ZFTRAF1: variants seen among roughly 807,000 people sequenced by gnomAD.
ZFTRAF1 encodes zinc finger TRAF-type-containing protein 1.
the ZFTRAF1 span, among the ~76,000 whole-genome samples, chr8:144,461,628 G>A: frequency 6.6e-6 from 1 of 152,206 alleles, no homozygotes; most frequent in Non-Finnish European, 1.5e-5. Flanking sequence ...CCAGTTGGAT[G>A]TGGGGTTTGG....
chr8:144,454,189 G>A, the ZFTRAF1 span: 2 of 152,382 alleles, frequency 1.3e-5, no homozygotes, highest in Non-Finnish European at 2.9e-5. Flanking sequence ...CTCCCTGCCT[G>A]TGTGGGCTCC....
At chr8:144,457,591 T>C in the ZFTRAF1 span, 1 of 152,204 alleles carries the variant, frequency 6.6e-6, no homozygotes, top group Non-Finnish European at 1.5e-5. Context: ...CCCTCCCCCC[T>C]GCTGGCTACA....
chr8:144,462,515 G>A, the ZFTRAF1 span: 6 of 162,080 alleles, frequency 3.7e-5, no homozygotes, highest in Non-Finnish European at 6.4e-5. Flanking sequence ...AGGCCCCGCC[G>A]CCTCGCCCAG....
At chr8:144,452,662 A>G in the ZFTRAF1 span, 1 of 1,233,984 alleles carries the variant, frequency 8.1e-7, no homozygotes, top group South Asian at 1.4e-5. Context: ...CCAGCTAAGA[A>G]CCCCTTCCTG....
At chr8:144,450,866 C>T in the ZFTRAF1 span, 2 of 606,016 alleles carry the variant, frequency 3.3e-6, no homozygotes, top group Admixed American at 2.9e-5. Context: ...CAGGCTCAGC[C>T]GGGGAGGAAG....
the ZFTRAF1 span, chr8:144,450,727 G>A: frequency 1.4e-6 from 1 of 712,576 alleles, no homozygotes; most frequent in Non-Finnish European, 2.6e-6. Context: ...CATAGTACAG[G>A]CGCGTGATGA....
the ZFTRAF1 span, chr8:144,451,902 A>C: frequency 4.1e-6 from 1 of 243,800 alleles, no homozygotes; most frequent in Non-Finnish European, 8.3e-6. Context: ...CAGCCTTGAG[A>C]GGCCCATGGC....
chr8:144,458,452 T>C, the ZFTRAF1 span, among the ~76,000 whole-genome samples: 1 of 152,258 alleles, frequency 6.6e-6, no homozygotes, highest in Non-Finnish European at 1.5e-5. Context: ...ACGAGTCAGC[T>C]GCAGTCCTGT....
the ZFTRAF1 span, chr8:144,462,216 C>T: frequency 2.1e-6 from 1 of 467,318 alleles, no homozygotes; most frequent in Non-Finnish European, 3.8e-6. Flanking sequence ...AGACGCGGAT[C>T]CTGGGGCCCC....
At chr8:144,457,026 ACATCATGGGGGGATGG>A in the ZFTRAF1 span, 1,671 of 142,222 alleles carry the variant, frequency 0.012, 15 homozygotes, top group Middle Eastern at 0.026. Context: ...TGGGGGACTG[ACATCATGGGGGGATGG>A]CATCATGGGG....
chr8:144,452,472 G>A, the ZFTRAF1 span: 5 of 1,548,320 alleles, frequency 3.2e-6, no homozygotes, highest in Non-Finnish European at 3.5e-6. Flanking sequence ...CTCACTGCCT[G>A]TCTTGGTCGG....
At chr8:144,461,528 G>A in the ZFTRAF1 span, among the ~76,000 whole-genome samples, 2 of 152,342 alleles carry the variant, frequency 1.3e-5, no homozygotes, top group African/African-American at 2.4e-5. Context: ...GGGGAGGAGG[G>A]GTGGGCCGGC....
At chr8:144,452,250 T>C in the ZFTRAF1 span, 15 of 1,245,214 alleles carry the variant, frequency 1.2e-5, no homozygotes, top group Non-Finnish European at 1.1e-5. Flanking sequence ...AGCCCGGCTG[T>C]CCGGCGCTGT....
the ZFTRAF1 span, among the ~76,000 whole-genome samples, chr8:144,461,552 G>A: frequency 7.6e-4 from 116 of 152,304 alleles, no homozygotes; most frequent in African/African-American, 2.2e-3. Context: ...TGGAGCACTG[G>A]CTGCCTAGGA....
At chr8:144,460,949 G>A in the ZFTRAF1 span, among the ~76,000 whole-genome samples, 1 of 152,228 alleles carries the variant, frequency 6.6e-6, no homozygotes, top group Non-Finnish European at 1.5e-5. Context: ...AGGAGCTGGA[G>A]AGTGGGCACA....
At chr8:144,450,759 G>A in the ZFTRAF1 span, 1 of 700,344 alleles carries the variant, frequency 1.4e-6, no homozygotes, top group Non-Finnish European at 2.7e-6. Flanking sequence ...CGGTACGGCC[G>A]GAACTGGACC....
At chr8:144,459,127 G>T in the ZFTRAF1 span, among the ~76,000 whole-genome samples, 2 of 152,222 alleles carry the variant, frequency 1.3e-5, no homozygotes, top group African/African-American at 4.8e-5. Context: ...ATGAGGCTGC[G>T]GCTGCAACGT....
the ZFTRAF1 span, chr8:144,457,879 G>A: frequency 6.6e-6 from 1 of 152,326 alleles, no homozygotes; most frequent in Non-Finnish European, 1.5e-5. Flanking sequence ...TGGGAGCAGT[G>A]CCCTCGCTCA....
At chr8:144,452,228 G>A in the ZFTRAF1 span, 1 of 1,033,366 alleles carries the variant, frequency 9.7e-7, no homozygotes, top group Non-Finnish European at 1.5e-6. Context: ...TGTCCACCGG[G>A]AGCTTGTCCA....
Sources: gnomAD v4.1 joint callset for allele counts (sites outside exome capture counted in the v4.1 genomes callset) on GRCh38, gnomAD v4.1.1 for gene constraint, MANE v1.5 for transcripts, NCBI Gene and HGNC (gene_info 2026-07-23, HGNC 2026-07-21) for gene names.